The following STX17 variants were observed in gnomAD, a reference collection of about 807,000 sequenced individuals.
STX17 encodes syntaxin 17.
STX17 carries 29 observed loss-of-function variants against 35.9 expected under a neutral mutation model. The observed-to-expected ratio is 0.81, with a 90% CI of 0.60 to 1.10. The LOEUF is 1.10. Ranked by LOEUF, STX17 falls within the 50% of genes least tolerant of loss-of-function variation. The pLI, the probability that STX17 is intolerant of heterozygous loss-of-function variation, is 0.00. For synonymous variants in STX17, 92 were observed against 118.3 expected (o/e 0.78, Z 1.44); for missense variants, 312 against 352.3 (o/e 0.89, Z 0.92).
chr9:99,923,713 T>A (rs941896763), intron 2 of STX17, among the ~76,000 whole-genome samples: 1 of 152,122 alleles, frequency 6.6e-6, no homozygotes, highest in Non-Finnish European at 1.5e-5. Flanking sequence ...CAGTCACAAG[T>A]CCAGGCCCTT....
At chr9:99,952,644 T>C (rs1829625701) in intron 4 of STX17, among the ~76,000 whole-genome samples, 2 of 152,114 alleles carry the variant, frequency 1.3e-5, no homozygotes, top group African/African-American at 4.8e-5. Flanking sequence ...TGTCCAACAA[T>C]GATCGACTGG....
chr9:99,967,509 GC>G, intron 6 of STX17, 143 bp from the exon 7 acceptor site: 1 of 525,236 alleles, frequency 1.9e-6, no homozygotes, highest in East Asian at 3.2e-5. Flanking sequence ...TTTCGACATG[GC>G]TTATCAGATG....
At chr9:99,949,942 TAC>T (rs58226718) in intron 3 of STX17, among the ~76,000 whole-genome samples, 417 of 149,108 alleles carry the variant, frequency 2.8e-3, no homozygotes, top group South Asian at 5.3e-3. Context: ...CACACATGTA[TAC>T]ACACACACAC....
chr9:99,917,705 T>G (rs1056178459), intron 2 of STX17, among the ~76,000 whole-genome samples: 1 of 152,202 alleles, frequency 6.6e-6, no homozygotes, highest in East Asian at 1.9e-4. Flanking sequence ...TAATGTAAGA[T>G]AGACTTAAGC....
At chr9:99,954,492 T>C (rs1829669679) in intron 4 of STX17, among the ~76,000 whole-genome samples, 1 of 152,078 alleles carries the variant, frequency 6.6e-6, no homozygotes, top group Non-Finnish European at 1.5e-5. Context: ...GGAAAGCAAG[T>C]AACTAATTTA....
intron 2 of STX17, among the ~76,000 whole-genome samples, chr9:99,920,663 A>G (rs1828868143): frequency 1.3e-5 from 2 of 152,210 alleles, no homozygotes; most frequent in Admixed American, 6.5e-5. Flanking sequence ...CAGTACCAAA[A>G]TGATACTTTG....
intron 3 of STX17, among the ~76,000 whole-genome samples, chr9:99,948,709 A>G (rs1259103475): frequency 6.6e-6 from 1 of 152,094 alleles, no homozygotes. Flanking sequence ...TGTTTTTGTT[A>G]TCATTGTTGC....
chr9:99,942,311 A>G (rs1039624995), intron 3 of STX17, among the ~76,000 whole-genome samples: 7 of 152,094 alleles, frequency 4.6e-5, no homozygotes, highest in Admixed American at 4.6e-4. Flanking sequence ...ATTGATTTGT[A>G]AGACTTCTTC....
Position 99,968,476 on chromosome 9 carries a change from C to T in STX17, c.712C>T (p.Leu238Phe). Residue 238 changes from leucine (L) to phenylalanine (F), a missense_variant, in exon 8 of 8, where the codon CTC (leucine) becomes TTC (phenylalanine). Coordinates refer to ENST00000259400, the MANE Select transcript of STX17 (RefSeq NM_017919.3). ...GGCAGCTCTGCCTGTGGCAGGTGCA[C>T]TCATCGGGGGAATGGTAGGGGGTCC... is the stretch of plus-strand genomic sequence containing the variant. ...KLAALPVAGA[L>F]IGGMVGGPIG... 1.9e-6 allele frequency: 3 copies of T among 1,593,568 alleles called. No homozygotes were observed. Among genetic ancestry groups the T allele is most frequent in the South Asian group, 1.1e-5 (1 of 88,110 alleles).
chr9:99,944,028 CTGTT>C (rs1426545980), intron 3 of STX17, among the ~76,000 whole-genome samples: 3 of 149,064 alleles, frequency 2.0e-5, no homozygotes, highest in Admixed American at 1.3e-4. Flanking sequence ...ATTTTGGTTT[CTGTT>C]TGTCAGTTTG....
At chr9:99,965,459 A>G (rs918855467) in intron 6 of STX17, among the ~76,000 whole-genome samples, 2 of 152,140 alleles carry the variant, frequency 1.3e-5, no homozygotes, top group African/African-American at 2.4e-5. Flanking sequence ...TTTTTCCTCT[A>G]CCTTTCAACT....
chr9:99,974,032 A>AT lies in STX17; in HGVS notation c.*5359_*5360insT, dbSNP rs2118578483. Reference sequence around the variant, plus strand: ...TATAATAGTCAGCTGGGGGTTATTTAAGCTCTTGGACGAGCCTAAAACTTG... The same window carrying AT: ...TATAATAGTCAGCTGGGGGTTATTTATAGCTCTTGGACGAGCCTAAAACTTG... On this transcript the variant is annotated 3_prime_UTR_variant, in exon 8 of 8. Transcript: ENST00000259400. Among the ~76,000 whole-genome samples, 1 of 152,350 alleles carries AT rather than the reference A, an allele frequency of 6.6e-6. No homozygotes were observed. The highest frequency in any genetic ancestry group is 2.1e-4 in the South Asian group (1 of 4,830).
At chr9:99,930,392 C>T (rs577994065) in intron 3 of STX17, among the ~76,000 whole-genome samples, 61 of 151,922 alleles carry the variant, frequency 4.0e-4, no homozygotes, top group African/African-American at 1.2e-3. Flanking sequence ...CTCAGCCTCC[C>T]GAGTAGCTGG....
intron 2 of STX17, among the ~76,000 whole-genome samples, chr9:99,924,393 A>G (rs191612984): frequency 8.8e-4 from 134 of 152,022 alleles, no homozygotes; most frequent in African/African-American, 3.0e-3. Flanking sequence ...AGACCAATGT[A>G]TATATATTAT....
rs141597713 is a variant in STX17, at chr9:99,967,696, G to C, written c.626G>C (p.Ser209Thr). 1.2e-4 allele frequency: 201 copies of C among 1,613,940 alleles called. No individual in the cohort carries two copies. The African/African-American group carries it at 2.4e-3, about 19-fold the overall frequency. The change falls in exon 7 of 8, where the codon AGT (serine) becomes ACT (threonine). Residue 209 changes from serine (S) to threonine (T), a missense_variant. Coordinates refer to ENST00000259400, the MANE Select transcript of STX17 (RefSeq NM_017919.3). Reference sequence around the variant, plus strand: ...GACAGCATTGCAGACCATGTCAACAGTGCTGCTGTGAATGTTGAAGAGGGA... The same window carrying C: ...GACAGCATTGCAGACCATGTCAACACTGCTGCTGTGAATGTTGAAGAGGGA... The part of the protein sequence containing the change: ...KIDSIADHVN[S>T]AAVNVEEGTK...
At chr9:99,920,050 G>A (rs1423494801) in intron 2 of STX17, among the ~76,000 whole-genome samples, 6 of 152,032 alleles carry the variant, frequency 3.9e-5, no homozygotes, top group Non-Finnish European at 5.9e-5. Context: ...TCCCAACCTC[G>A]TTCCTTTTTT....
At chr9:99,935,329 C>CAAA (rs35032937) in intron 3 of STX17, among the ~76,000 whole-genome samples, 5 of 101,192 alleles carry the variant, frequency 4.9e-5, no homozygotes, top group African/African-American at 1.9e-4. Flanking sequence ...CACTCCATCT[C>CAAA]AAAAAAAAAA....
chr9:99,958,059 G>A (rs1014222316), intron 4 of STX17, among the ~76,000 whole-genome samples: 2 of 152,128 alleles, frequency 1.3e-5, no homozygotes, highest in Admixed American at 6.5e-5. Flanking sequence ...AAGCAAAACT[G>A]TTTAACATAG....
intron 2 of STX17, among the ~76,000 whole-genome samples, chr9:99,927,015 C>G (rs1203123239): frequency 6.6e-6 from 1 of 152,186 alleles, no homozygotes; most frequent in Non-Finnish European, 1.5e-5. Flanking sequence ...ACGGGTTGTT[C>G]CCTCACATGC....
Sources: gnomAD v4.1 joint callset for allele counts (sites outside exome capture counted in the v4.1 genomes callset) on GRCh38, gnomAD v4.1.1 for gene constraint, MANE v1.5 for transcripts, NCBI Gene and HGNC (gene_info 2026-07-23, HGNC 2026-07-21) for gene names.